IQCH: variants seen among roughly 807,000 people sequenced by gnomAD.
IQCH encodes IQ motif containing H.
IQCH carries 98 observed loss-of-function variants against 117.0 expected under a neutral mutation model. The observed-to-expected ratio is 0.84, with a 90% CI of 0.71 to 0.99. The LOEUF is 0.99. Ranked by LOEUF, IQCH falls within the 50% of genes least tolerant of loss-of-function variation. IQCH has a pLI of 0.00. For missense variants in IQCH, 1,102 were observed against 1,243.8 expected (o/e 0.89, Z 1.72); for synonymous variants, 412 against 448.2 (o/e 0.92, Z 1.02).
Position 67,356,535 on chromosome 15 carries a change from CA to C in IQCH, c.638-808del, listed in dbSNP as rs1969894043. ...CATGCTGTTTTTGATCAATATCTGT[CA>C]ATTCCTTCTAAGATTGTTGTTATAG... On this transcript the variant is annotated intron_variant, in intron 6 of 20. Coordinates refer to ENST00000335894, the MANE Select transcript of IQCH (RefSeq NM_001031715.3). This position sits in a 1 kb window ranked among gnomAD's most constrained non-coding sequence, Gnocchi z 5.3. 6.6e-6 allele frequency among the ~76,000 whole-genome samples: 1 copy of C among 152,184 alleles called. No individual in the cohort carries two copies. The highest frequency in any genetic ancestry group is 2.4e-5 in the African/African-American group (1 of 41,428).
chr15:67,373,472 A>T (rs374061372), intron 10 of IQCH, 39 bp downstream of exon 10: 1 of 1,278,972 alleles, frequency 7.8e-7, no homozygotes, highest in Admixed American at 1.7e-5. Context: ...AGCAACCTCT[A>T]TTACCCACCA....
rs955214935 is a variant in IQCH, at chr15:67,453,605, C to A, written c.2506-11522C>A. Among the ~76,000 whole-genome samples, 1 of 152,154 alleles carries A rather than the reference C, an allele frequency of 6.6e-6. No individual in the cohort carries two copies. The highest frequency in any genetic ancestry group is 2.4e-5 in the African/African-American group (1 of 41,426). On this transcript the variant is annotated intron_variant, in intron 16 of 20. Coordinates refer to ENST00000335894, the MANE Select transcript of IQCH (RefSeq NM_001031715.3). This position sits in a 1 kb window ranked among gnomAD's most constrained non-coding sequence, Gnocchi z 5.8. ...CTGCAAGTTTTGTCTCAGAGGAGTA[C>A]CCGGCCATGTAAGGTGTCAGTCCGC...
chr15:67,371,981 A>G lies in IQCH; in HGVS notation c.754-130A>G, dbSNP rs893816618. On this transcript the variant is annotated intron_variant, in intron 8 of 20. Transcript: ENST00000335894. ...ACTTTCGTATTATGACGTGTGTGTTAAATCAGTGCTAGGATTCATATCTTC... is the reference window on the plus strand; with the variant it reads ...ACTTTCGTATTATGACGTGTGTGTTGAATCAGTGCTAGGATTCATATCTTC... The G allele has an allele frequency of 5.1e-6, 4 of 777,852 alleles. No individual in the cohort carries two copies. The African/African-American group carries it at 7.0e-5, about 14-fold the overall frequency. 48.2% of individuals were successfully genotyped at this position (777,852 alleles called of 1,614,324 possible).
At chr15:67,461,909 C>G (rs923101550) in intron 16 of IQCH, among the ~76,000 whole-genome samples, 1 of 152,118 alleles carries the variant, frequency 6.6e-6, no homozygotes, top group African/African-American at 2.4e-5. Flanking sequence ...GGACAATGTG[C>G]CTTCTAAGAA....
chr15:67,482,711 G>A (rs915236235), intron 18 of IQCH, among the ~76,000 whole-genome samples: 7 of 152,042 alleles, frequency 4.6e-5, no homozygotes, highest in Admixed American at 3.9e-4. Context: ...TTTAAATATC[G>A]TCGAGTGGGG....
intron 1 of IQCH, 46 bp downstream of exon 1, chr15:67,254,993 C>CA: frequency 6.3e-7 from 1 of 1,582,526 alleles, no homozygotes; most frequent in East Asian, 2.3e-5. Context: ...AGCCGCGCCA[C>CA]TTCCGAGCGA....
rs1021029913 is a variant in IQCH at position 67,376,746 on chromosome 15, AT to A, written c.1372+3316del. 3.9e-5 allele frequency among the ~76,000 whole-genome samples: 6 copies of A among 152,218 alleles called. No homozygotes were observed. Among genetic ancestry groups the A allele is most frequent in the African/African-American group, 1.4e-4 (6 of 41,456 alleles). On this transcript the variant is annotated intron_variant, in intron 10 of 20. Coordinates refer to ENST00000335894, the MANE Select transcript of IQCH (RefSeq NM_001031715.3). The surrounding 1 kb of genome is among the most constrained non-coding windows in gnomAD (Gnocchi z 5.0). ...TCAGTAATGTTTTTGACCACAAAAT[AT>A]TTATAAAGTATTTTAAAATCTGTGG...
rs2081486765 is a variant in IQCH at position 67,413,047 on chromosome 15, T to TG, written c.2098-3882dup. Among the ~76,000 whole-genome samples, 1 of 151,252 alleles carries TG rather than the reference T, an allele frequency of 6.6e-6. No homozygotes were observed. On this transcript the variant is annotated intron_variant, in intron 14 of 20. Transcript: ENST00000335894. This position sits in a 1 kb window ranked among gnomAD's most constrained non-coding sequence, Gnocchi z 5.0. ...TAGTATTCTAATGATTCACATGAAT[T>TG]GGAGTGTTTGTCTGTTATGGAAGGT...
intron 5 of IQCH, among the ~76,000 whole-genome samples, chr15:67,337,875 T>C (rs1968964920): frequency 6.6e-6 from 1 of 152,198 alleles, no homozygotes; most frequent in African/African-American, 2.4e-5. Flanking sequence ...CCAAAGCTGG[T>C]TCCCAAAGGT....
intron 15 of IQCH, among the ~76,000 whole-genome samples, chr15:67,418,860 G>A (rs542576488): frequency 6.6e-6 from 1 of 151,286 alleles, no homozygotes; most frequent in South Asian, 2.1e-4. Flanking sequence ...TTACAGGCGT[G>A]AGCCACTACG....
chr15:67,301,815 G>A (rs918617469), intron 4 of IQCH, among the ~76,000 whole-genome samples: 3 of 151,884 alleles, frequency 2.0e-5, no homozygotes, highest in Non-Finnish European at 2.9e-5. Context: ...ACATGCATTG[G>A]GACCAAAATA....
intron 7 of IQCH, among the ~76,000 whole-genome samples, chr15:67,358,385 A>G (rs1290621026): frequency 2.2e-5 from 3 of 138,376 alleles, no homozygotes; most frequent in East Asian, 2.3e-4. Flanking sequence ...TAGTAAAAAC[A>G]AGGTTTCGCT....
Position 67,337,003 on chromosome 15 carries a change from C to T in IQCH, c.416C>T (p.Ser139Phe), listed in dbSNP as rs143836437. The part of the protein sequence containing the change: ...KIKVSKLIKG[S>F]NISSLTVLPS... ...AAGGTTTCGAAGTTAATCAAAGGGT[C>T]TAACATATCCAGCCTCACGGTTCTG... The change falls in exon 5 of 21, where the codon TCT becomes TTT. Residue 139 changes from serine to phenylalanine, a missense_variant. By Grantham distance (155) the Ser-to-Phe change is radical. Transcript: ENST00000335894. The T allele has an allele frequency of 6.2e-7, 1 of 1,613,620 alleles. No homozygotes were observed.
In IQCH at chr15:67,458,096, C is replaced by A. The variant is rs1157841386; in HGVS notation, c.2506-7031C>A. ...ATTCTGTTTTATCCCTAGAGCCTAG[C>A]CATGCACATCCTCCTGATTTTACAG... On this transcript the variant is annotated intron_variant, in intron 16 of 20. Coordinates refer to ENST00000335894, the MANE Select transcript of IQCH (RefSeq NM_001031715.3). This position sits in a 1 kb window ranked among gnomAD's most constrained non-coding sequence, Gnocchi z 4.1. Among the ~76,000 whole-genome samples the A allele has an allele frequency of 6.6e-6, 1 of 152,210 alleles. No individual in the cohort carries two copies. Among genetic ancestry groups the A allele is most frequent in the African/African-American group, 2.4e-5 (1 of 41,446 alleles).
Position 67,445,476 on chromosome 15 carries a change from G to A in IQCH, c.2506-19651G>A, listed in dbSNP as rs2082370914. Among the ~76,000 whole-genome samples, 1 of 152,090 alleles carries A rather than the reference G, an allele frequency of 6.6e-6. No individual in the cohort carries two copies. Among genetic ancestry groups the A allele is most frequent in the Non-Finnish European group, 1.5e-5 (1 of 68,022 alleles). ...TGTTTTTGAGATGGAGTCTTGCTCT[G>A]TCGCCAGGCTGGATTGCAGTGGTGC... On this transcript the variant is annotated intron_variant, in intron 16 of 20. Transcript: ENST00000335894. This position sits in a 1 kb window ranked among gnomAD's most constrained non-coding sequence, Gnocchi z 4.3.
intron 14 of IQCH, among the ~76,000 whole-genome samples, chr15:67,412,322 C>A (rs1180760600): frequency 1.3e-5 from 2 of 152,124 alleles, no homozygotes; most frequent in Admixed American, 1.3e-4. Context: ...CTGATGTGGT[C>A]GCCCATCGTC....
At chr15:67,400,334 C>T (rs779411873) in intron 14 of IQCH, 29 bp downstream of exon 14, 28 of 1,561,410 alleles carry the variant, frequency 1.8e-5, no homozygotes, top group Admixed American at 3.3e-5. Flanking sequence ...CTTAAACCCG[C>T]AGGGTCTGTG....
intron 4 of IQCH, among the ~76,000 whole-genome samples, chr15:67,311,337 C>G (rs1220608611): frequency 6.6e-6 from 1 of 151,938 alleles, no homozygotes; most frequent in Non-Finnish European, 1.5e-5. Flanking sequence ...ACTACCATAA[C>G]AAATTGTTAG....
chr15:67,409,324 C>T (rs541910905), intron 14 of IQCH, among the ~76,000 whole-genome samples: 3 of 152,106 alleles, frequency 2.0e-5, no homozygotes, highest in Non-Finnish European at 4.4e-5. Flanking sequence ...GCATGCAGCG[C>T]GCACAGGGTG....
Sources: gnomAD v4.1 joint callset for allele counts (sites outside exome capture counted in the v4.1 genomes callset) on GRCh38, gnomAD v4.1.1 for gene constraint, Gnocchi (gnomAD v3.1) non-coding constraint, MANE v1.5 for transcripts, NCBI Gene and HGNC (gene_info 2026-07-23, HGNC 2026-07-21) for gene names.